The following PRKCA variants were observed in gnomAD, a reference collection of about 807,000 sequenced individuals.
PRKCA encodes the protein protein kinase C alpha type.
PRKCA carries 27 observed loss-of-function variants against 87.0 expected under a neutral mutation model. The observed-to-expected ratio is 0.31, with a 90% CI of 0.23 to 0.43. PRKCA has a LOEUF of 0.43. Ranked by LOEUF, PRKCA falls within the 20% of genes least tolerant of loss-of-function variation. PRKCA has a pLI of 1.00. For synonymous variants in PRKCA, 329 were observed against 311.1 expected, an observed-to-expected ratio of 1.06 and a Z score of -0.61; for missense variants, 518 against 852.3, an observed-to-expected ratio of 0.61 and a Z score of 4.88.
intron 2 of PRKCA, among the ~76,000 whole-genome samples, chr17:66,395,159 A>C (rs1910592325): frequency 6.6e-6 from 1 of 152,134 alleles, no homozygotes; most frequent in Non-Finnish European, 1.5e-5. Flanking sequence ...TAGCAGTCTG[A>C]AAATGGACTA....
At chr17:66,372,698 A>G (rs1328343749) in intron 2 of PRKCA, among the ~76,000 whole-genome samples, 1 of 152,206 alleles carries the variant, frequency 6.6e-6, no homozygotes, top group Non-Finnish European at 1.5e-5. Context: ...TGGGGGAGCC[A>G]TGATGAATGG....
At chr17:66,419,880 T>G (rs1015215579) in intron 2 of PRKCA, among the ~76,000 whole-genome samples, 6 of 152,136 alleles carry the variant, frequency 3.9e-5, no homozygotes, top group Admixed American at 6.5e-5. Context: ...ATCCATGTAT[T>G]TCTTCATTTA....
intron 8 of PRKCA, among the ~76,000 whole-genome samples, chr17:66,699,762 G>A (rs529604224): frequency 6.6e-6 from 1 of 152,260 alleles, no homozygotes; most frequent in Admixed American, 6.5e-5. Flanking sequence ...AATTTGTAGG[G>A]ATGAGGTCTT....
chr17:66,369,174 G>C (rs1908944765), intron 2 of PRKCA, among the ~76,000 whole-genome samples: 1 of 152,210 alleles, frequency 6.6e-6, no homozygotes, highest in East Asian at 1.9e-4. Flanking sequence ...GGAAGGCCCA[G>C]GTAAAACCTG....
chr17:66,660,583 CT>C (rs1407817085), intron 5 of PRKCA, among the ~76,000 whole-genome samples: 2 of 152,046 alleles, frequency 1.3e-5, no homozygotes, highest in Non-Finnish European at 2.9e-5. Flanking sequence ...TATGTAGGGT[CT>C]TTGGGGTTAT....
chr17:66,715,135 T>C (rs1973442468), intron 8 of PRKCA, among the ~76,000 whole-genome samples: 1 of 151,950 alleles, frequency 6.6e-6, no homozygotes, highest in African/African-American at 2.4e-5. Flanking sequence ...TTTTGGTTTT[T>C]TTTTTTTTCT....
intron 2 of PRKCA, among the ~76,000 whole-genome samples, chr17:66,375,254 G>A (rs1909357875): frequency 6.6e-6 from 1 of 152,124 alleles, no homozygotes; most frequent in Non-Finnish European, 1.5e-5. Context: ...AAGTGATCGA[G>A]GAAAAGGAAG....
intron 5 of PRKCA, among the ~76,000 whole-genome samples, chr17:66,683,324 A>G (rs1972539473): frequency 6.6e-6 from 1 of 152,228 alleles, no homozygotes; most frequent in African/African-American, 2.4e-5. Context: ...TCTTCAAATG[A>G]TGTCAGTGTG....
intron 2 of PRKCA, among the ~76,000 whole-genome samples, chr17:66,465,546 C>T (rs1915046968): frequency 6.6e-6 from 1 of 151,234 alleles, no homozygotes; most frequent in Non-Finnish European, 1.5e-5. Context: ...CATGTGCCAC[C>T]ATGCCTGGCT....
chr17:66,711,743 C>A (rs1973334480), intron 8 of PRKCA, among the ~76,000 whole-genome samples: 1 of 152,122 alleles, frequency 6.6e-6, no homozygotes, highest in African/African-American at 2.4e-5. Context: ...ACTCCCCGAC[C>A]CCAAGCTGGA....
intron 3 of PRKCA, among the ~76,000 whole-genome samples, chr17:66,625,485 C>T (rs948369125): frequency 1.3e-5 from 2 of 152,190 alleles, no homozygotes; most frequent in East Asian, 1.9e-4. Flanking sequence ...TGTCTTTCTA[C>T]TCCAGCTTGG....
intron 8 of PRKCA, among the ~76,000 whole-genome samples, chr17:66,709,339 G>A (rs992506571): frequency 4.2e-5 from 4 of 95,274 alleles, no homozygotes; most frequent in African/African-American, 1.6e-4. Context: ...GAGATAGAGT[G>A]TTGCTTTTGT....
At chr17:66,526,889 A>G (rs1567876872) in intron 3 of PRKCA, among the ~76,000 whole-genome samples, 1 of 152,152 alleles carries the variant, frequency 6.6e-6, no homozygotes, top group Non-Finnish European at 1.5e-5. Context: ...GTTTGGGGAT[A>G]CTTTGGTCTG....
chr17:66,319,581 A>T lies in PRKCA; in HGVS notation c.205+13454A>T, dbSNP rs185010922. Reference sequence around the variant, plus strand: ...GACTTTTTCTTAGCATGAAAAAAAAATTTTTTTAAGTAGAATATATTTCAT... The same window carrying T: ...GACTTTTTCTTAGCATGAAAAAAAATTTTTTTTAAGTAGAATATATTTCAT... On this transcript the variant is annotated intron_variant, in intron 2 of 16. Coordinates refer to ENST00000413366, the MANE Select transcript of PRKCA (RefSeq NM_002737.3). Among the ~76,000 whole-genome samples, 307 of 152,096 alleles carry T rather than the reference A, an allele frequency of 2.0e-3. 1 individual carries two copies. Among genetic ancestry groups the T allele is most frequent in the African/African-American group, 5.6e-3 (233 of 41,490 alleles).
At chr17:66,577,599 T>A (rs1372733620) in intron 3 of PRKCA, among the ~76,000 whole-genome samples, 3 of 152,196 alleles carry the variant, frequency 2.0e-5, no homozygotes, top group African/African-American at 7.2e-5. Flanking sequence ...AGCCTGCACT[T>A]CGGCTCTGGT....
At chr17:66,720,065 A>G (rs1973575782) in intron 8 of PRKCA, among the ~76,000 whole-genome samples, 1 of 152,262 alleles carries the variant, frequency 6.6e-6, no homozygotes, top group South Asian at 2.1e-4. Context: ...GTGCGTGCTC[A>G]TCCCAGTGGC....
In PRKCA at chr17:66,317,876, G is replaced by A. The variant is rs1004637521; in HGVS notation, c.205+11749G>A. On this transcript the variant is annotated intron_variant, in intron 2 of 16. Transcript: ENST00000413366. ...ACTGTCCTAAAATGTGAAAATGGGA[G>A]ATTACTCATTTTTTAAAAATGTAAA... Among the ~76,000 whole-genome samples the A allele has an allele frequency of 6.6e-5, 10 of 152,256 alleles. No individual in the cohort carries two copies. In the South Asian group the frequency reaches 1.9e-3, roughly 28 times the overall value.
chr17:66,423,571 A>T (rs1912613551), intron 2 of PRKCA, among the ~76,000 whole-genome samples: 1 of 152,208 alleles, frequency 6.6e-6, no homozygotes, highest in Admixed American at 6.5e-5. Context: ...TCCCCTAGGG[A>T]AGTCATCTGA....
chr17:66,656,490 A>T (rs1025410307), intron 5 of PRKCA, among the ~76,000 whole-genome samples: 9 of 151,414 alleles, frequency 5.9e-5, no homozygotes, highest in African/African-American at 2.2e-4. Context: ...TTATCATTTA[A>T]GCACAAGATT....
Sources: gnomAD v4.1 joint callset for allele counts (sites outside exome capture counted in the v4.1 genomes callset) on GRCh38, gnomAD v4.1.1 for gene constraint, MANE v1.5 for transcripts, NCBI Gene and HGNC (gene_info 2026-07-23, HGNC 2026-07-21) for gene names.